The following NPHP3 variants were observed in gnomAD, a reference collection of about 807,000 sequenced individuals.
The protein encoded by NPHP3 is nephrocystin-3.
A neutral mutation model predicts 171.9 loss-of-function variants in NPHP3; 123 were observed. The observed-to-expected ratio is 0.72, with a 90% CI of 0.62 to 0.83. The LOEUF is 0.83. Ranked by LOEUF, NPHP3 falls within the 40% of genes least tolerant of loss-of-function variation. The probability of loss-of-function intolerance (pLI) is 0.00; values close to 1 mark genes in which losing one functional copy is unlikely to be tolerated. For synonymous variants in NPHP3, 558 were observed against 579.2 expected, an observed-to-expected ratio of 0.96 and a Z score of 0.52; for missense variants, 1,506 against 1,591.9, an observed-to-expected ratio of 0.95 and a Z score of 0.92.
intron 16 of NPHP3, among the ~76,000 whole-genome samples, chr3:132,694,260 T>C (rs777372158): frequency 6.6e-6 from 1 of 151,850 alleles, no homozygotes; most frequent in Non-Finnish European, 1.5e-5. Context: ...GATTAAAAAA[T>C]AGAATCCTTC....
At position 132,695,157 on chromosome 3, in the gene NPHP3, T is replaced by C. The variant is rs1165432243; in HGVS notation, c.2172-192A>G. On this transcript the variant is annotated intron_variant, in intron 15 of 26. Coordinates refer to ENST00000337331, the MANE Select transcript of NPHP3 (RefSeq NM_153240.5). ...ATTGGGTTTATTTTACTATATATAA[T>C]TTAATTCAGTGCAATAAACATGCTG... is the stretch of plus-strand genomic sequence containing the variant. The C allele has an allele frequency of 7.1e-6, 4 of 563,702 alleles. No individual in the cohort carries two copies. In the East Asian group the frequency reaches 1.2e-4, roughly 17 times the overall value. The allele number at this position is 563,702 out of a possible 1,614,324, so 34.9% of individuals were successfully genotyped here.
intron 7 of NPHP3, among the ~76,000 whole-genome samples, chr3:132,706,504 G>T: frequency 6.6e-6 from 1 of 151,300 alleles, no homozygotes; most frequent in East Asian, 1.9e-4. Context: ...TGTCAATAAA[G>T]CTATAATTCT....
intron 17 of NPHP3, 116 bp from the exon 18 acceptor site, chr3:132,691,402 A>G (rs1441279200): frequency 2.7e-6 from 2 of 732,644 alleles, no homozygotes; most frequent in African/African-American, 3.5e-5. Context: ...GTATAATAGA[A>G]ATGTCACTTA....
Position 132,722,170 on chromosome 3 carries a change from G to A in NPHP3, c.186C>T (p.Arg62=), listed in dbSNP as rs574086626. Residue 62 remains arginine (R), a synonymous_variant, in exon 1 of 27, where the codon CGC becomes CGT. Transcript: ENST00000337331. The part of the protein sequence containing the change: ...AAGAGPGSLP[R]GVGAGGLLGA... ...CCAGCAGCCCGCCCGCGCCCACCCC[G>A]CGGGGCAGCGACCCGGGCCCGGCCC... 9 of 1,563,436 alleles carry A rather than the reference G, an allele frequency of 5.8e-6. No homozygotes were observed. The highest frequency in any genetic ancestry group is 7.7e-6 in the Non-Finnish European group (9 of 1,162,466).
chr3:132,681,769 A>G lies in NPHP3; in HGVS notation c.*141T>C, dbSNP rs538987591. ...CACAATTCCAACTTAATGTAATCCA[A>G]TACAACTTCATACAAATAGCAGTTA... On this transcript the variant is annotated 3_prime_UTR_variant, in exon 27 of 27. Coordinates refer to ENST00000337331, the MANE Select transcript of NPHP3 (RefSeq NM_153240.5). 832 of 740,256 alleles carry G rather than the reference A, an allele frequency of 1.1e-3. 7 individuals carry two copies. The highest frequency in any genetic ancestry group is 2.0e-3 in the South Asian group (129 of 63,774). The allele number at this position is 740,256 out of a possible 1,614,324, so 45.9% of individuals were successfully genotyped here. A position where few individuals can be genotyped will look rare whatever the true frequency, so the allele number is the denominator to read the frequency against.
chr3:132,720,441 C>T (rs1406952030), intron 1 of NPHP3, among the ~76,000 whole-genome samples: 2 of 152,184 alleles, frequency 1.3e-5, no homozygotes, highest in African/African-American at 4.8e-5. Flanking sequence ...CTTTTCTACC[C>T]CCACCTCACA....
At chr3:132,699,600 A>G in intron 12 of NPHP3, 150 bp from the exon 13 acceptor site, 1 of 696,732 alleles carries the variant, frequency 1.4e-6, no homozygotes, top group Non-Finnish European at 2.4e-6. Flanking sequence ...TAGAATTTTA[A>G]AAGAACAAGT....
chr3:132,684,662 T>A lies in NPHP3; in HGVS notation c.3462A>T (p.Ala1154=). The A allele has an allele frequency of 6.2e-7, 1 of 1,614,102 alleles. No homozygotes were observed. Among genetic ancestry groups the A allele is most frequent in the Non-Finnish European group, 8.5e-7 (1 of 1,179,982 alleles). ...CTAAAGCTCTTTCATAAAGTTCTTC[T>A]GCTTTATCATACTGTTTCTTTTCAT... ...LCNEKKQYDK[A]EELYERALDI... Residue 1154 remains alanine (A), a synonymous_variant, in exon 24 of 27, where the codon GCA becomes GCT. Transcript: ENST00000337331.
intron 10 of NPHP3, among the ~76,000 whole-genome samples, chr3:132,700,737 T>C (rs977500507): frequency 6.6e-6 from 1 of 152,174 alleles, no homozygotes. Flanking sequence ...CATTAACTTT[T>C]AATTAAAAAT....
Position 132,722,099 on chromosome 3 carries a change from T to C in NPHP3, c.257A>G (p.Tyr86Cys). ...STGSSVPELE[Y>C]AAAEYERLRK... ...GAGCCGCTCGTACTCGGCCGCCGCG[T>C]ACTCCAGCTCTGGCACCGACGAGCC... The change falls in exon 1 of 27, where the codon TAC (tyrosine) becomes TGC (cysteine). Residue 86 changes from tyrosine to cysteine, a missense_variant. Physicochemically the swap from Tyr to Cys is radical, Grantham distance 194. Transcript: ENST00000337331. 6.2e-7 allele frequency: 1 copy of C among 1,609,146 alleles called. No individual in the cohort carries two copies. Among genetic ancestry groups the C allele is most frequent in the Non-Finnish European group, 8.5e-7 (1 of 1,179,776 alleles).
chr3:132,717,336 CT>C, intron 3 of NPHP3: 1 of 173,368 alleles, frequency 5.8e-6, no homozygotes, highest in South Asian at 1.3e-4. Context: ...AGGACATAAA[CT>C]CTTTGCAGCA....
chr3:132,719,992 T>C lies in NPHP3; in HGVS notation c.394-162A>G, dbSNP rs115177380. Among the ~76,000 whole-genome samples, 1,471 of 152,172 alleles carry C rather than the reference T, an allele frequency of 9.7e-3. 17 individuals carry two copies. The highest frequency in any genetic ancestry group is 0.034 in the African/African-American group (1,406 of 41,530). On this transcript the variant is annotated intron_variant, in intron 1 of 26. Coordinates refer to ENST00000337331, the MANE Select transcript of NPHP3 (RefSeq NM_153240.5). ...CAGGAACTTCATGTTGCCATTTTAT[T>C]CAAAACATGATGGAAAAAAACCGCA...
Position 132,681,786 on chromosome 3 carries a change from T to TA in NPHP3, c.*123dup. Reference sequence around the variant, plus strand: ...GTAATCCAATACAACTTCATACAAATAGCAGTTAAATCACACGTAGTAAAA... The same window carrying TA: ...GTAATCCAATACAACTTCATACAAATAAGCAGTTAAATCACACGTAGTAAAA... On this transcript the variant is annotated 3_prime_UTR_variant, in exon 27 of 27. Transcript: ENST00000337331. 1 of 783,810 alleles carries TA rather than the reference T, an allele frequency of 1.3e-6. No homozygotes were observed. Among genetic ancestry groups the TA allele is most frequent in the Non-Finnish European group, 2.2e-6 (1 of 452,762 alleles). 48.6% of individuals were successfully genotyped at this position (783,810 alleles called of 1,614,324 possible). A position where few individuals can be genotyped will look rare whatever the true frequency, so the allele number is the denominator to read the frequency against.
At chr3:132,689,524 G>C (rs1053073607) in intron 19 of NPHP3, among the ~76,000 whole-genome samples, 5 of 152,128 alleles carry the variant, frequency 3.3e-5, no homozygotes, top group African/African-American at 1.2e-4. Context: ...TGGTACTGTA[G>C]GGGGATTATG....
intron 16 of NPHP3, 79 bp from the exon 17 acceptor site, chr3:132,692,897 T>C: frequency 1.7e-6 from 2 of 1,167,354 alleles, no homozygotes. Context: ...TCCATAATTC[T>C]TTTAAGGCTA....
Position 132,700,068 on chromosome 3 carries a change from G to C in NPHP3, c.1744-7C>G, listed in dbSNP as rs758273843. On this transcript the variant is annotated splice_region_variant and splice_polypyrimidine_tract_variant and intron_variant, in intron 11 of 26. Transcript: ENST00000337331. ...ACCAAGAGTGCTGCATCAACTACAA[G>C]ATAAGAACACACACAAACTGAAGTA... 5.0e-6 allele frequency: 8 copies of C among 1,613,888 alleles called. No individual in the cohort carries two copies. The Admixed American group carries it at 1.3e-4, about 27-fold the overall frequency.
At chr3:132,689,930 T>C (rs535908463) in intron 19 of NPHP3, among the ~76,000 whole-genome samples, 1 of 152,274 alleles carries the variant, frequency 6.6e-6, no homozygotes, top group African/African-American at 2.4e-5. Context: ...TGATACTTAT[T>C]GTATAAGAAA....
In NPHP3 at chr3:132,692,312, G is replaced by A. The variant is rs149481834; in HGVS notation, c.2475+342C>T. ...CCCCATTGTTAAGCAATGCATGACTGTATAATAATACCGCAATTCAATGAA... is the reference window on the plus strand; with the variant it reads ...CCCCATTGTTAAGCAATGCATGACTATATAATAATACCGCAATTCAATGAA... On this transcript the variant is annotated intron_variant, in intron 17 of 26. Transcript: ENST00000337331. 3.3e-3 allele frequency among the ~76,000 whole-genome samples: 497 copies of A among 152,260 alleles called. 2 individuals are homozygous for A. The highest frequency in any genetic ancestry group is 5.7e-3 in the Non-Finnish European group (390 of 68,014).
rs765306210 is a variant in NPHP3 at position 132,689,065 on chromosome 3, T to C, written c.2883+9A>G. ...TGTCTCTGGCTTGCCATTGATCTGC[T>C]GAGCTTACCTGACTGAGAAGGCCTA... On this transcript the variant is annotated intron_variant, in intron 20 of 26. Coordinates refer to ENST00000337331, the MANE Select transcript of NPHP3 (RefSeq NM_153240.5). 6 of 1,614,050 alleles carry C rather than the reference T, an allele frequency of 3.7e-6. No homozygotes were observed. Among genetic ancestry groups the C allele is most frequent in the Non-Finnish European group, 5.1e-6 (6 of 1,180,012 alleles).
Sources: gnomAD v4.1 joint callset for allele counts (sites outside exome capture counted in the v4.1 genomes callset) on GRCh38, gnomAD v4.1.1 for gene constraint, MANE v1.5 for transcripts, NCBI Gene and HGNC (gene_info 2026-07-23, HGNC 2026-07-21) for gene names.